Variants in BEAN1 observed in about 807,000 individuals in gnomAD.
BEAN1 encodes the protein brain expressed associated with NEDD4 1, also known as protein BEAN1.
BEAN1 carries 17 observed loss-of-function variants against 17.7 expected under a neutral mutation model. That is an observed-to-expected ratio of 0.96 (90% CI 0.66 to 1.44). The LOEUF (loss-of-function observed/expected upper bound fraction) is 1.44, where lower values mean the gene tolerates loss of function less well. Ranked by LOEUF, BEAN1 falls within the 40% of genes most tolerant of loss-of-function variation. The pLI is 0.00. For synonymous variants in BEAN1, 142 were observed against 151.8 expected, an observed-to-expected ratio of 0.94 and a Z score of 0.47; for missense variants, 359 against 374.1, an observed-to-expected ratio of 0.96 and a Z score of 0.33.
intron 2 of BEAN1, 145 bp from the exon 3 acceptor site, chr16:66,469,457 G>A (rs765537305): frequency 3.3e-5 from 33 of 1,011,474 alleles, no homozygotes; most frequent in Non-Finnish European, 4.5e-5. Flanking sequence ...TCCCCCAGGA[G>A]CAGCCAGGAT....
intron 2 of BEAN1, among the ~76,000 whole-genome samples, chr16:66,439,770 T>C (rs912183920): frequency 1.3e-5 from 2 of 152,292 alleles, no homozygotes; most frequent in South Asian, 2.1e-4. Context: ...CTAGAGGCCA[T>C]TGTCAGGGAG....
intron 3 of BEAN1, 167 bp downstream of exon 3, chr16:66,470,032 T>A: frequency 1.0e-6 from 1 of 957,524 alleles, no homozygotes. Flanking sequence ...CACCATAATG[T>A]TCTCGGTGAC....
intron 2 of BEAN1, among the ~76,000 whole-genome samples, chr16:66,439,057 G>T (rs1401119968): frequency 1.3e-5 from 2 of 152,120 alleles, no homozygotes; most frequent in Non-Finnish European, 2.9e-5. Context: ...AAGCCTTATT[G>T]TTAAATCATT....
chr16:66,468,575 G>T (rs577879933), intron 2 of BEAN1, among the ~76,000 whole-genome samples: 2 of 152,314 alleles, frequency 1.3e-5, no homozygotes, highest in East Asian at 3.9e-4. Context: ...CTGGGTTCTA[G>T]CTTAGCTCTG....
chr16:66,484,829 G>A, downstream of BEAN1: 1 of 454,118 alleles, frequency 2.2e-6, no homozygotes. This position sits in a 1 kb window ranked among gnomAD's most constrained non-coding sequence, Gnocchi z 4.2. Context: ...GGGAGAGACG[G>A]GTTGTTTGTA....
At chr16:66,485,272 G>A (rs1196573403), downstream of BEAN1, 2 of 371,402 alleles carry the variant, frequency 5.4e-6, no homozygotes, top group Non-Finnish European at 1.1e-5. Context: ...CTGTGGTTTC[G>A]TGGACATTTG....
chr16:66,444,135 G>A (rs568999840), intron 2 of BEAN1, among the ~76,000 whole-genome samples: 2 of 152,316 alleles, frequency 1.3e-5, no homozygotes, highest in East Asian at 1.9e-4. Context: ...CCCTGGTGGT[G>A]AGCTCACTGT....
rs1963494979 is a variant in BEAN1 at position 66,471,845 on chromosome 16, C to A, written c.289+1980C>A. ...CAGGCCAGGACGGGCCTGTCCCACC[C>A]CTGCATCACCAACCTGAGGCTGCAG... On this transcript the variant is annotated intron_variant, in intron 3 of 4. Transcript: ENST00000536005. This position sits in a 1 kb window ranked among gnomAD's most constrained non-coding sequence, Gnocchi z 4.7. Among the ~76,000 whole-genome samples the A allele has an allele frequency of 6.6e-6, 1 of 152,340 alleles. No individual in the cohort carries two copies. Among genetic ancestry groups the A allele is most frequent in the South Asian group, 2.1e-4 (1 of 4,828 alleles).
chr16:66,454,995 G>A (rs1377383988), intron 2 of BEAN1, among the ~76,000 whole-genome samples: 2 of 152,040 alleles, frequency 1.3e-5, no homozygotes, highest in Non-Finnish European at 2.9e-5. Context: ...TTCATACTAA[G>A]TGCTTCTCAG....
rs1359634949 is a variant in BEAN1, at chr16:66,427,781, A to C, written c.-83+350A>C. ...GCATCAACCGCATTTGGGGAACCCA[A>C]GACAGCCTCCCCAGCAGCTTGCCCT... On this transcript the variant is annotated intron_variant, in intron 1 of 4. Coordinates refer to ENST00000536005, the MANE Select transcript of BEAN1 (RefSeq NM_001178020.3). This position sits in a 1 kb window ranked among gnomAD's most constrained non-coding sequence, Gnocchi z 4.7. 1 of 152,062 alleles carries C rather than the reference A, an allele frequency of 6.6e-6. No homozygotes were observed. Among genetic ancestry groups the C allele is most frequent in the Non-Finnish European group, 1.5e-5 (1 of 68,014 alleles). The allele number at this position is 152,062 out of a possible 1,614,324, so 9.4% of individuals were successfully genotyped here.
At chr16:66,485,446 A>G (rs1222774876), downstream of BEAN1, 5 of 311,886 alleles carry the variant, frequency 1.6e-5, no homozygotes, top group Non-Finnish European at 3.2e-5. Flanking sequence ...GTGGAGAGAC[A>G]GTAAGCTTCA....
intron 2 of BEAN1, among the ~76,000 whole-genome samples, chr16:66,443,512 C>G (rs1215294224): frequency 6.6e-6 from 1 of 152,218 alleles, no homozygotes; most frequent in Admixed American, 6.5e-5. Context: ...CAAATCTACT[C>G]CTTCATTGCC....
chr16:66,484,386 G>C (rs1964055666), downstream of BEAN1: 5 of 356,416 alleles, frequency 1.4e-5, no homozygotes, highest in Admixed American at 1.9e-4. This position sits in a 1 kb window ranked among gnomAD's most constrained non-coding sequence, Gnocchi z 4.2. Flanking sequence ...CTTTGGGACT[G>C]TCACGCTCTT....
chr16:66,458,956 G>A (rs980097835), intron 2 of BEAN1, among the ~76,000 whole-genome samples: 2 of 152,252 alleles, frequency 1.3e-5, no homozygotes, highest in Non-Finnish European at 2.9e-5. Flanking sequence ...CTCGTCAGGG[G>A]ACTTGGGGTC....
intron 1 of BEAN1, among the ~76,000 whole-genome samples, chr16:66,437,070 A>G (rs189871587): frequency 4.7e-4 from 72 of 152,152 alleles, no homozygotes; most frequent in Admixed American, 3.1e-3. Flanking sequence ...TAAAATGGGG[A>G]TGAAAAGAGC....
At chr16:66,484,857 C>T (rs558297487), downstream of BEAN1, 462 of 454,020 alleles carry the variant, frequency 1.0e-3, no homozygotes, top group Non-Finnish European at 1.8e-3. This position sits in a 1 kb window ranked among gnomAD's most constrained non-coding sequence, Gnocchi z 4.2. Context: ...GCTCAGCAGA[C>T]ATTTTTGGAG....
At chr16:66,486,119 C>T (rs1964085385), downstream of BEAN1, 1 of 152,212 alleles carries the variant, frequency 6.6e-6, no homozygotes, top group African/African-American at 2.4e-5. Flanking sequence ...CAAAGAGATC[C>T]TCTCTCTCCC....
At chr16:66,441,425 T>C (rs1962252340) in intron 2 of BEAN1, among the ~76,000 whole-genome samples, 1 of 152,174 alleles carries the variant, frequency 6.6e-6, no homozygotes, top group Non-Finnish European at 1.5e-5. Context: ...GATCTGGAGC[T>C]GTTGTGCACT....
At chr16:66,453,152 G>C (rs1962738630) in intron 2 of BEAN1, among the ~76,000 whole-genome samples, 1 of 151,906 alleles carries the variant, frequency 6.6e-6, no homozygotes, top group Non-Finnish European at 1.5e-5. Flanking sequence ...TCCTCTACTT[G>C]CTTTGGGTTT....
Sources: gnomAD v4.1 joint callset for allele counts (sites outside exome capture counted in the v4.1 genomes callset) on GRCh38, gnomAD v4.1.1 for gene constraint, Gnocchi (gnomAD v3.1) non-coding constraint, MANE v1.5 for transcripts, NCBI Gene and HGNC (gene_info 2026-07-23, HGNC 2026-07-21) for gene names.